The following MTA3 variants were observed in gnomAD, a reference collection of about 807,000 sequenced individuals.
MTA3 encodes the protein metastasis-associated protein MTA3.
Under a neutral mutation model 83.5 loss-of-function variants are expected in MTA3, and 34 were observed. The ratio of observed to expected loss-of-function variants is 0.41; its 90% CI spans 0.31 to 0.54. MTA3 has a LOEUF of 0.54. Among genes scored for constraint, MTA3 ranks in the 20% least tolerant of loss-of-function variants. The pLI is 0.33. For missense variants in MTA3, 761 were observed against 726.4 expected (o/e 1.05, Z -0.55); for synonymous variants, 303 against 252.7 (o/e 1.20, Z -1.89).
At chr2:42,567,047 A>T (rs1174745932), upstream of MTA3, among the ~76,000 whole-genome samples, 1 of 152,206 alleles carries the variant, frequency 6.6e-6, no homozygotes, top group African/African-American at 2.4e-5. Flanking sequence ...GTGGAACAGA[A>T]CACTTTTGCT....
chr2:42,640,813 T>C lies in MTA3; in HGVS notation c.381+577T>C, dbSNP rs1259804451. Among the ~76,000 whole-genome samples, 5 of 152,234 alleles carry C rather than the reference T, an allele frequency of 3.3e-5. No individual in the cohort carries two copies. The East Asian group carries it at 9.6e-4, about 29-fold the overall frequency. ...TAGGTGACATTTAAAGCAACATCAT[T>C]TGTATGGTGGGAAACATATTTTAGT... On this transcript the variant is annotated intron_variant, in intron 5 of 16. Coordinates refer to ENST00000405094, the MANE Select transcript of MTA3 (RefSeq NM_001330442.2).
chr2:42,741,595 A>G (rs1669031180), intron 16 of MTA3, among the ~76,000 whole-genome samples: 1 of 111,482 alleles, frequency 9.0e-6, no homozygotes, highest in Admixed American at 9.5e-5. Context: ...CTCTGAGAAT[A>G]GAGATGCTCA....
chr2:42,591,681 C>T (rs570838045), intron 3 of MTA3, among the ~76,000 whole-genome samples: 13 of 150,244 alleles, frequency 8.7e-5, no homozygotes, highest in East Asian at 3.9e-4. Context: ...AACGGAGTTT[C>T]GCTCAGTGGC....
intron 2 of MTA3, chr2:42,532,682 G>C (rs868400313): frequency 6.1e-6 from 1 of 164,694 alleles, no homozygotes; most frequent in Non-Finnish European, 1.3e-5. Context: ...TATTTCTTTG[G>C]GGGAGAGGAC....
chr2:42,620,956 T>C (rs1357344838), intron 4 of MTA3, among the ~76,000 whole-genome samples: 1 of 152,180 alleles, frequency 6.6e-6, no homozygotes, highest in African/African-American at 2.4e-5. Context: ...GGTTATTTCA[T>C]AGATATTCAT....
In MTA3 at chr2:42,588,277, C is replaced by G. The variant is rs1446211374; in HGVS notation, c.190+9077C>G. ...AATTTTTACATGTAAGTAAGTAGAT[C>G]AGAATGGTGGAGTTTTACTATGTAT... is the stretch of plus-strand genomic sequence containing the variant. On this transcript the variant is annotated intron_variant, in intron 3 of 16. Transcript: ENST00000405094. 2.6e-5 allele frequency among the ~76,000 whole-genome samples: 4 copies of G among 152,124 alleles called. No individual in the cohort carries two copies. The East Asian group carries it at 7.7e-4, about 29-fold the overall frequency.
At chr2:42,501,551 A>C (rs774789787) in intron 2 of MTA3, among the ~76,000 whole-genome samples, 3 of 152,234 alleles carry the variant, frequency 2.0e-5, no homozygotes, top group Non-Finnish European at 4.4e-5. Flanking sequence ...GTAACATTAA[A>C]GTTACCTAAC....
intron 4 of MTA3, among the ~76,000 whole-genome samples, chr2:42,616,555 A>C (rs1223385859): frequency 7.0e-6 from 1 of 142,694 alleles, no homozygotes; most frequent in Non-Finnish European, 1.5e-5. Flanking sequence ...AAATTTGATT[A>C]ATCTCTTCTT....
intron 8 of MTA3, among the ~76,000 whole-genome samples, chr2:42,664,567 G>T (rs1339917071): frequency 6.8e-6 from 1 of 147,590 alleles, no homozygotes; most frequent in African/African-American, 2.5e-5. Flanking sequence ...TCTGCTTCCT[G>T]GGTTCAAGTG....
intron 14 of MTA3, among the ~76,000 whole-genome samples, chr2:42,713,006 A>C (rs1431158604): frequency 6.6e-6 from 1 of 152,208 alleles, no homozygotes; most frequent in Non-Finnish European, 1.5e-5. Flanking sequence ...CAAACACCTG[A>C]TGCACACAGG....
At chr2:42,716,943 A>G (rs963673640) in intron 14 of MTA3, among the ~76,000 whole-genome samples, 8 of 152,066 alleles carry the variant, frequency 5.3e-5, no homozygotes, top group Non-Finnish European at 5.9e-5. Context: ...ATTCCCATCA[A>G]CCGTGTATAG....
chr2:42,683,350 G>T (rs762730105), intron 9 of MTA3, among the ~76,000 whole-genome samples: 29 of 152,294 alleles, frequency 1.9e-4, no homozygotes, highest in African/African-American at 6.7e-4. Context: ...CACAGTAGGA[G>T]AATTTGTTTT....
intron 8 of MTA3, among the ~76,000 whole-genome samples, chr2:42,662,690 C>T (rs765735845): frequency 6.6e-6 from 1 of 151,294 alleles, no homozygotes; most frequent in Non-Finnish European, 1.5e-5. Context: ...TTTAAATGAC[C>T]TCCACCGCCC....
chr2:42,664,510 G>GT (rs1434864585), intron 8 of MTA3, among the ~76,000 whole-genome samples: 26 of 90,712 alleles, frequency 2.9e-4, no homozygotes, highest in Admixed American at 7.5e-4. Context: ...AGTTTGCTCT[G>GT]TTGCCCAGGC....
intron 4 of MTA3, among the ~76,000 whole-genome samples, chr2:42,626,996 C>T (rs1004204006): frequency 6.6e-6 from 1 of 152,228 alleles, no homozygotes; most frequent in Non-Finnish European, 1.5e-5. Context: ...CTGTCTTGGC[C>T]TCCCAAAGTG....
intron 2 of MTA3, among the ~76,000 whole-genome samples, chr2:42,528,512 G>A (rs1309970637): frequency 3.3e-5 from 5 of 152,232 alleles, no homozygotes; most frequent in Admixed American, 1.3e-4. Context: ...GAGCCACCGC[G>A]CCTGGACGGT....
At chr2:42,569,367 T>C (rs1558442372) in intron 1 of MTA3, 1 of 152,038 alleles carries the variant, frequency 6.6e-6, no homozygotes, top group Non-Finnish European at 1.5e-5. Context: ...AGGTGGGGAG[T>C]TGAGCTCTGC....
intron 3 of MTA3, among the ~76,000 whole-genome samples, chr2:42,584,628 T>A (rs536369771): frequency 6.6e-6 from 1 of 151,884 alleles, no homozygotes. Flanking sequence ...TTTGGGAGGC[T>A]GAGGCAGGAT....
At chr2:42,631,876 G>A (rs574700100) in intron 4 of MTA3, among the ~76,000 whole-genome samples, 1 of 151,974 alleles carries the variant, frequency 6.6e-6, no homozygotes, top group South Asian at 2.1e-4. Flanking sequence ...TTGTCATAGC[G>A]ATGGGGTAGC....
Sources: allele counts gnomAD v4.1 joint callset (sites outside exome capture counted in the v4.1 genomes callset), GRCh38; gene constraint gnomAD v4.1.1; transcripts MANE v1.5; gene names NCBI Gene and HGNC (gene_info 2026-07-23, HGNC 2026-07-21).